BCAS1: variants seen among roughly 807,000 people sequenced by gnomAD.
The protein encoded by BCAS1 is breast carcinoma-amplified sequence 1.
Under a neutral mutation model 65.4 loss-of-function variants are expected in BCAS1, and 46 were observed. The ratio of observed to expected loss-of-function variants is 0.70; its 90% CI spans 0.55 to 0.90. BCAS1 has a LOEUF of 0.90. Among genes scored for constraint, BCAS1 ranks in the 40% least tolerant of loss-of-function variants. The probability of loss-of-function intolerance (pLI) is 0.00; values close to 1 mark genes in which losing one functional copy is unlikely to be tolerated. For synonymous variants in BCAS1, 298 were observed against 293.5 expected (o/e 1.02, Z -0.16); for missense variants, 793 against 771.2 (o/e 1.03, Z -0.33).
chr20:53,961,031 C>G (rs2089864063), intron 10 of BCAS1, among the ~76,000 whole-genome samples: 1 of 152,210 alleles, frequency 6.6e-6, no homozygotes, highest in South Asian at 2.1e-4. Context: ...TCAGGGCATT[C>G]AGCCTGCAGT....
chr20:54,041,424 G>T (rs1005845142), intron 3 of BCAS1, among the ~76,000 whole-genome samples: 1 of 141,068 alleles, frequency 7.1e-6, no homozygotes, highest in Non-Finnish European at 1.6e-5. Context: ...TAGGAGTGAA[G>T]AGTTCACAGG....
intron 12 of BCAS1, among the ~76,000 whole-genome samples, chr20:53,948,755 C>T (rs2089415803): frequency 6.6e-6 from 1 of 152,156 alleles, no homozygotes; most frequent in Admixed American, 6.5e-5. Flanking sequence ...TATTATTCAC[C>T]CTATTTTACA....
At chr20:54,002,082 T>A (rs146359618) in intron 4 of BCAS1, among the ~76,000 whole-genome samples, 5 of 152,076 alleles carry the variant, frequency 3.3e-5, no homozygotes, top group African/African-American at 1.2e-4. Flanking sequence ...TTTCCTCATA[T>A]GAACATATTG....
At chr20:54,040,861 T>C (rs1054680524) in intron 3 of BCAS1, among the ~76,000 whole-genome samples, 2 of 151,254 alleles carry the variant, frequency 1.3e-5, no homozygotes, top group African/African-American at 2.4e-5. Context: ...TGAAAACATA[T>C]GGCCACACAA....
chr20:54,014,554 C>T (rs1245446432), intron 4 of BCAS1, among the ~76,000 whole-genome samples: 3 of 152,166 alleles, frequency 2.0e-5, no homozygotes, highest in African/African-American at 7.2e-5. Flanking sequence ...ATCTGTGATG[C>T]CTCTACTCCA....
At chr20:53,965,484 G>T (rs1294658560) in intron 10 of BCAS1, among the ~76,000 whole-genome samples, 1 of 151,954 alleles carries the variant, frequency 6.6e-6, no homozygotes, top group Admixed American at 6.6e-5. Context: ...AACTGATTTA[G>T]GTTTTGTTGC....
intron 1 of BCAS1, among the ~76,000 whole-genome samples, chr20:54,060,856 G>C (rs1477211770): frequency 6.6e-6 from 1 of 152,160 alleles, no homozygotes. Context: ...TCTTAGCAGT[G>C]TGTTTGCATT....
intron 10 of BCAS1, among the ~76,000 whole-genome samples, chr20:53,958,645 A>G (rs574735045): frequency 1.3e-5 from 2 of 152,246 alleles, no homozygotes; most frequent in Non-Finnish European, 1.5e-5. Flanking sequence ...GATAATACAA[A>G]TTATTATTTA....
At chr20:53,988,491 GACGA>G in intron 7 of BCAS1, among the ~76,000 whole-genome samples, 1 of 152,304 alleles carries the variant, frequency 6.6e-6, no homozygotes. Context: ...AAAGTCCTAT[GACGA>G]ACGATTATTT....
At chr20:54,034,861 A>G (rs1440288705) in intron 3 of BCAS1, among the ~76,000 whole-genome samples, 3 of 151,440 alleles carry the variant, frequency 2.0e-5, no homozygotes, top group Non-Finnish European at 4.4e-5. Context: ...AGCTGAAGGC[A>G]TCATGCTACC....
At chr20:54,002,067 G>C (rs1310626193) in intron 4 of BCAS1, among the ~76,000 whole-genome samples, 1 of 150,434 alleles carries the variant, frequency 6.6e-6, no homozygotes, top group Non-Finnish European at 1.5e-5. Flanking sequence ...TTCAGTCTTT[G>C]CTAGTTTCCT....
Position 53,992,550 on chromosome 20 carries a change from T to C in BCAS1, c.1024A>G (p.Arg342Gly). ...AATTTTCTAAAGGCGAGTCCTAGCC[T>C]GGGGCTATCCAGGTGCTTTTTCTTG... ...GTKKKHLDSPRLGLAFRKFFR... is the reference protein window; with the variant it reads ...GTKKKHLDSPGLGLAFRKFFR... The change falls in exon 7 of 13, where the codon AGG becomes GGG. Residue 342 changes from arginine (R) to glycine (G), a missense_variant. Arg to Gly is a moderately radical substitution (Grantham distance 125). Coordinates refer to ENST00000688948, the MANE Select transcript of BCAS1 (RefSeq NM_001366298.2). 1.5e-6 allele frequency: 2 copies of C among 1,365,494 alleles called. No individual in the cohort carries two copies. The highest frequency in any genetic ancestry group is 2.0e-6 in the Non-Finnish European group (2 of 1,021,654). The allele number at this position is 1,365,494 out of a possible 1,614,324, so 84.6% of individuals were successfully genotyped here.
intron 8 of BCAS1, among the ~76,000 whole-genome samples, chr20:53,980,635 C>T (rs1046916960): frequency 1.3e-5 from 2 of 152,202 alleles, no homozygotes; most frequent in Non-Finnish European, 2.9e-5. Flanking sequence ...ACTCAAACAT[C>T]ACATCTGCCT....
rs143648662 is a variant in BCAS1, at chr20:54,000,893, A to G, written c.724-4843T>C. The stretch of plus-strand genomic sequence containing the variant: ...CTTTCCAAACATATGAGACACATTT[A>G]TGCTAATCCTTTTTATTTTTTTGCC... On this transcript the variant is annotated intron_variant, in intron 4 of 12. Transcript: ENST00000688948. 2.6e-3 allele frequency among the ~76,000 whole-genome samples: 403 copies of G among 152,342 alleles called. 2 individuals carry two copies. Among genetic ancestry groups the G allele is most frequent in the African/African-American group, 8.9e-3 (368 of 41,566 alleles).
At chr20:54,036,924 C>A (rs1276672254) in intron 3 of BCAS1, among the ~76,000 whole-genome samples, 1 of 151,216 alleles carries the variant, frequency 6.6e-6, no homozygotes, top group Non-Finnish European at 1.5e-5. Flanking sequence ...AAATGTTTAT[C>A]ATTTTCAAAG....
chr20:53,953,609 C>T lies in BCAS1; in HGVS notation c.1638G>A (p.Lys546=). 1 of 1,613,842 alleles carries T rather than the reference C, an allele frequency of 6.2e-7. No homozygotes were observed. The highest frequency in any genetic ancestry group is 8.5e-7 in the Non-Finnish European group (1 of 1,179,982). ...APQKGKEGSS[K]DKKSAAEMNK... is the part of the protein sequence containing the mutation. Reference sequence around the variant, plus strand: ...TCATCTCGGCTGCTGACTTCTTGTCCTTCGAGGAGCCCTCTTTACCCTTCT... The same window carrying T: ...TCATCTCGGCTGCTGACTTCTTGTCTTTCGAGGAGCCCTCTTTACCCTTCT... The change falls in exon 12 of 13, where the codon AAG becomes AAA. Residue 546 remains lysine (K), a synonymous_variant. Transcript: ENST00000688948.
Position 54,022,937 on chromosome 20 carries a change from G to C in BCAS1, c.723+5455C>G, listed in dbSNP as rs527513872. Among the ~76,000 whole-genome samples, 94 of 152,300 alleles carry C rather than the reference G, an allele frequency of 6.2e-4. 1 individual carries two copies. The highest frequency in any genetic ancestry group is 2.2e-3 in the African/African-American group (90 of 41,554). Reference sequence around the variant, plus strand: ...TACTGCTAAATGCATCAAAATCCCAGTGGTATAGCTGAGGACCTTGTTTAC... The same window carrying C: ...TACTGCTAAATGCATCAAAATCCCACTGGTATAGCTGAGGACCTTGTTTAC... On this transcript the variant is annotated intron_variant, in intron 4 of 12. Transcript: ENST00000688948.
intron 9 of BCAS1, among the ~76,000 whole-genome samples, chr20:53,971,182 A>T (rs1309193986): frequency 2.6e-5 from 4 of 152,240 alleles, no homozygotes; most frequent in Non-Finnish European, 2.9e-5. Flanking sequence ...TTGATGTGTG[A>T]CTTGCTTTAG....
intron 3 of BCAS1, among the ~76,000 whole-genome samples, chr20:54,034,722 A>C (rs2091866046): frequency 6.6e-6 from 1 of 151,486 alleles, no homozygotes; most frequent in African/African-American, 2.4e-5. Flanking sequence ...AGCAATTTAT[A>C]GATTCAATGC....
Sources: gnomAD v4.1 joint callset for allele counts (sites outside exome capture counted in the v4.1 genomes callset) on GRCh38, gnomAD v4.1.1 for gene constraint, MANE v1.5 for transcripts, NCBI Gene and HGNC (gene_info 2026-07-23, HGNC 2026-07-21) for gene names.